Variants in CCSER1 observed in about 807,000 individuals in gnomAD.
The protein encoded by CCSER1 is serine-rich coiled-coil domain-containing protein 1.
In CCSER1, 41 loss-of-function variants were observed where a neutral mutation model predicts 82.0. That is an observed-to-expected ratio of 0.50 (90% CI 0.39 to 0.65). CCSER1 has a LOEUF of 0.65. Ranked by LOEUF, CCSER1 falls within the 30% of genes least tolerant of loss-of-function variation. CCSER1 has a pLI of 0.00. For synonymous variants in CCSER1, 414 were observed against 383.9 expected (o/e 1.08, Z -0.92); for missense variants, 1,119 against 1,064.2 (o/e 1.05, Z -0.72).
At chr4:91,491,920 A>G (rs1226952601) in intron 10 of CCSER1, among the ~76,000 whole-genome samples, 1 of 150,986 alleles carries the variant, frequency 6.6e-6, no homozygotes, top group Non-Finnish European at 1.5e-5. Flanking sequence ...AACAAGTAAT[A>G]GAGGAGTAGA....
chr4:91,334,251 ACT>A (rs1324487028), intron 10 of CCSER1, among the ~76,000 whole-genome samples: 1 of 151,574 alleles, frequency 6.6e-6, no homozygotes, highest in Non-Finnish European at 1.5e-5. Flanking sequence ...TCTAACCAAA[ACT>A]CTCTTGCTCA....
intron 8 of CCSER1, among the ~76,000 whole-genome samples, chr4:90,832,048 C>A (rs1336606886): frequency 6.6e-6 from 1 of 151,764 alleles, no homozygotes; most frequent in Non-Finnish European, 1.5e-5. Context: ...AAGGGCAAGA[C>A]AGTCTTTTTA....
chr4:90,288,313 T>G (rs910501184), intron 1 of CCSER1, among the ~76,000 whole-genome samples: 7 of 151,946 alleles, frequency 4.6e-5, no homozygotes, highest in African/African-American at 1.7e-4. Context: ...GAGTTTGCAC[T>G]TGATTCTGCC....
chr4:91,271,278 T>C (rs146248188), intron 10 of CCSER1, among the ~76,000 whole-genome samples: 3,568 of 152,188 alleles, frequency 0.023, 64 homozygotes, highest in Middle Eastern at 0.051. Context: ...ACTTTTTTTT[T>C]CCCCATAGGT....
At chr4:90,979,703 G>A (rs1331106652) in intron 9 of CCSER1, among the ~76,000 whole-genome samples, 1 of 151,798 alleles carries the variant, frequency 6.6e-6, no homozygotes, top group African/African-American at 2.4e-5. Context: ...AAATATCAAA[G>A]TGATTGTGGA....
At chr4:91,182,674 G>C (rs1384263051) in intron 10 of CCSER1, among the ~76,000 whole-genome samples, 1 of 152,316 alleles carries the variant, frequency 6.6e-6, no homozygotes, top group South Asian at 2.1e-4. Flanking sequence ...TTTAATAGAA[G>C]CTGGAATGCC....
At chr4:91,508,827 A>G (rs1490955982) in intron 10 of CCSER1, among the ~76,000 whole-genome samples, 1 of 151,484 alleles carries the variant, frequency 6.6e-6, no homozygotes, top group African/African-American at 2.4e-5. Flanking sequence ...GGTAATTTGT[A>G]TCTTTTGGGG....
intron 1 of CCSER1, among the ~76,000 whole-genome samples, chr4:90,137,531 A>G (rs557845728): frequency 6.6e-6 from 1 of 152,318 alleles, no homozygotes; most frequent in South Asian, 2.1e-4. Flanking sequence ...ATTTCTGAGG[A>G]GAGTCAGGTT....
intron 9 of CCSER1, among the ~76,000 whole-genome samples, chr4:91,033,810 G>A (rs1215861330): frequency 1.3e-5 from 2 of 152,170 alleles, no homozygotes; most frequent in Non-Finnish European, 2.9e-5. Context: ...GTAAGGAGAA[G>A]TACTTGTAAC....
At chr4:90,794,514 T>A (rs1755709198) in intron 7 of CCSER1, among the ~76,000 whole-genome samples, 1 of 152,176 alleles carries the variant, frequency 6.6e-6, no homozygotes, top group Non-Finnish European at 1.5e-5. Flanking sequence ...TTTGTTCCAT[T>A]GGTCTAAGTG....
intron 10 of CCSER1, among the ~76,000 whole-genome samples, chr4:91,207,736 G>C (rs1298340508): frequency 6.6e-6 from 1 of 151,834 alleles, no homozygotes; most frequent in African/African-American, 2.4e-5. Flanking sequence ...ATTCCTTTGG[G>C]TATATACCCA....
intron 9 of CCSER1, among the ~76,000 whole-genome samples, chr4:91,054,498 G>A (rs920018519): frequency 3.3e-5 from 5 of 151,820 alleles, no homozygotes; most frequent in Non-Finnish European, 7.4e-5. Context: ...TTGATTTAAA[G>A]TCTGTTTGTT....
At chr4:90,494,573 G>A (rs1768673079) in intron 5 of CCSER1, among the ~76,000 whole-genome samples, 1 of 152,036 alleles carries the variant, frequency 6.6e-6, no homozygotes. Flanking sequence ...TTTGAAATTT[G>A]AACAAACTAC....
At chr4:91,178,354 C>T (rs1733629233) in intron 10 of CCSER1, among the ~76,000 whole-genome samples, 1 of 151,888 alleles carries the variant, frequency 6.6e-6, no homozygotes, top group Non-Finnish European at 1.5e-5. Flanking sequence ...GAGTTCAATT[C>T]CTGGATATCC....
rs186091152 is a variant in CCSER1 at position 90,609,641 on chromosome 4, A to C, written c.1725-18384A>C. Among the ~76,000 whole-genome samples, 778 of 152,302 alleles carry C rather than the reference A, an allele frequency of 5.1e-3. 5 individuals carry two copies. The highest frequency in any genetic ancestry group is 0.01 in the Middle Eastern group (3 of 294). On this transcript the variant is annotated intron_variant, in intron 5 of 10. Transcript: ENST00000509176. ...TATCTTATATGCCTTATAGCACACAAATGTTACCCAATTGAGATATTCATT... is the reference window on the plus strand; with the variant it reads ...TATCTTATATGCCTTATAGCACACACATGTTACCCAATTGAGATATTCATT...
intron 10 of CCSER1, among the ~76,000 whole-genome samples, chr4:91,439,438 C>T (rs1277062473): frequency 6.6e-6 from 1 of 151,980 alleles, no homozygotes; most frequent in African/African-American, 2.4e-5. Flanking sequence ...TGCTGAGAGA[C>T]TTTGTCACCA....
Position 91,496,723 on chromosome 4 carries a change from AATAT to A in CCSER1, c.2218-101838_2218-101835del, listed in dbSNP as rs1168441594. ...ATATATATATATATTCAATATATAG[AATAT>A]ATATATATATTGAATATATATTTGA... is the stretch of plus-strand genomic sequence containing the variant. On this transcript the variant is annotated intron_variant, in intron 10 of 10. Coordinates refer to ENST00000509176, the MANE Select transcript of CCSER1 (RefSeq NM_001145065.2). Among the ~76,000 whole-genome samples, 10 of 59,840 alleles carry A rather than the reference AATAT, an allele frequency of 1.7e-4. 2 individuals are homozygous for A. Among genetic ancestry groups the A allele is most frequent in the Non-Finnish European group, 2.3e-4 (7 of 29,852 alleles). The allele number at this position is 59,840 out of a possible 152,430, so 39.3% of individuals were successfully genotyped here. A position where few individuals can be genotyped will look rare whatever the true frequency, so the allele number is the denominator to read the frequency against.
At chr4:90,354,268 A>G (rs1370980162) in intron 3 of CCSER1, among the ~76,000 whole-genome samples, 1 of 152,152 alleles carries the variant, frequency 6.6e-6, no homozygotes, top group Non-Finnish European at 1.5e-5. Flanking sequence ...CTGAGAGTAA[A>G]CAGTGTTTAC....
At chr4:90,458,823 C>T (rs1762512023) in intron 4 of CCSER1, among the ~76,000 whole-genome samples, 1 of 152,176 alleles carries the variant, frequency 6.6e-6, no homozygotes, top group Non-Finnish European at 1.5e-5. Flanking sequence ...CTTCACAGAC[C>T]TCCAGTGGTG....
Sources: allele counts gnomAD v4.1 joint callset (sites outside exome capture counted in the v4.1 genomes callset), GRCh38; gene constraint gnomAD v4.1.1; transcripts MANE v1.5; gene names NCBI Gene and HGNC (gene_info 2026-07-23, HGNC 2026-07-21).